NAV3: variants seen among roughly 807,000 people sequenced by gnomAD.
NAV3 encodes the protein pore membrane and/or filament interacting like protein 1.
NAV3 carries 87 observed loss-of-function variants against 244.7 expected under a neutral mutation model. That is an observed-to-expected ratio of 0.36 (90% CI 0.30 to 0.42). NAV3 has a LOEUF of 0.42. NAV3 is among the 20% of genes least tolerant of loss of function. The pLI, the probability that NAV3 is intolerant of heterozygous loss-of-function variation, is 1.00. For synonymous variants in NAV3, 1,126 were observed against 1,042.2 expected (o/e 1.08, Z -1.55); for missense variants, 2,663 against 2,893.3 (o/e 0.92, Z 1.83).
intron 2 of NAV3, among the ~76,000 whole-genome samples, chr12:77,756,522 A>G (rs1869186715): frequency 6.6e-6 from 1 of 152,174 alleles, no homozygotes; most frequent in Non-Finnish European, 1.5e-5. Context: ...GATGTCAGTA[A>G]GACATGCTCC....
At chr12:77,981,760 A>T (rs1869607125) in intron 5 of NAV3, among the ~76,000 whole-genome samples, 1 of 152,052 alleles carries the variant, frequency 6.6e-6, no homozygotes, top group African/African-American at 2.4e-5. Context: ...GCCTTATTTT[A>T]TACTCTGAGT....
At chr12:77,580,174 G>A (rs1869286351) in intron 2 of NAV3, among the ~76,000 whole-genome samples, 1 of 150,798 alleles carries the variant, frequency 6.6e-6, no homozygotes, top group Non-Finnish European at 1.5e-5. Context: ...TTAATACCAG[G>A]CTCCCCTAAA....
At chr12:77,807,153 T>C (rs576951538) in intron 2 of NAV3, among the ~76,000 whole-genome samples, 187 of 152,360 alleles carry the variant, frequency 1.2e-3, no homozygotes, top group African/African-American at 4.4e-3. Flanking sequence ...TGTCTGTTAA[T>C]TGGTGCATTT....
chr12:78,012,997 G>T (rs934716470), intron 8 of NAV3, among the ~76,000 whole-genome samples: 5 of 151,824 alleles, frequency 3.3e-5, no homozygotes, highest in African/African-American at 4.8e-5. Context: ...TGCTATAGAA[G>T]AATTTTCAAA....
intron 1 of NAV3, among the ~76,000 whole-genome samples, chr12:77,907,441 A>G (rs1161286385): frequency 2.0e-5 from 3 of 151,998 alleles, no homozygotes; most frequent in South Asian, 4.1e-4. Context: ...GCTCAATTTC[A>G]TCTCTTTTAT....
intron 1 of NAV3, among the ~76,000 whole-genome samples, chr12:77,853,031 C>T (rs1040111608): frequency 6.6e-6 from 1 of 152,168 alleles, no homozygotes; most frequent in South Asian, 2.1e-4. Flanking sequence ...AAGACATATA[C>T]TCAGCTTTCA....
At chr12:77,981,846 G>C (rs1486784096) in intron 5 of NAV3, among the ~76,000 whole-genome samples, 4 of 151,870 alleles carry the variant, frequency 2.6e-5, no homozygotes, top group Non-Finnish European at 4.4e-5. Flanking sequence ...TCATAATTAG[G>C]CATGCTTTTT....
intron 7 of NAV3, among the ~76,000 whole-genome samples, chr12:78,001,611 C>T (rs1048941449): frequency 2.6e-5 from 4 of 152,150 alleles, no homozygotes; most frequent in Non-Finnish European, 5.9e-5. Flanking sequence ...GAATTACAAA[C>T]TGCACTTCAA....
intron 3 of NAV3, chr12:77,947,379 C>A (rs774490621): frequency 2.7e-5 from 4 of 149,486 alleles, no homozygotes; most frequent in Non-Finnish European, 5.9e-5. Flanking sequence ...TTTTTTTCAG[C>A]TACTGCTTGT....
At chr12:77,988,960 A>C (rs2136333312) in intron 5 of NAV3, among the ~76,000 whole-genome samples, 1 of 152,316 alleles carries the variant, frequency 6.6e-6, no homozygotes, top group Middle Eastern at 3.4e-3. Flanking sequence ...TAAGAAAAAT[A>C]AAGGAGCTAT....
chr12:77,887,984 G>A (rs1883485305), intron 1 of NAV3, among the ~76,000 whole-genome samples: 2 of 149,946 alleles, frequency 1.3e-5, no homozygotes, highest in Admixed American at 6.7e-5. Flanking sequence ...TGTTACAGTG[G>A]CAAACAATAA....
At chr12:78,176,366 G>A in intron 25 of NAV3, 73 bp from the exon 26 acceptor site, 1 of 1,418,598 alleles carries the variant, frequency 7.0e-7, no homozygotes, top group Non-Finnish European at 9.8e-7. Flanking sequence ...GTTTATACAG[G>A]TAATATTTTA....
chr12:77,602,296 T>C (rs1870469978), intron 2 of NAV3, among the ~76,000 whole-genome samples: 1 of 151,984 alleles, frequency 6.6e-6, no homozygotes, highest in South Asian at 2.1e-4. Flanking sequence ...AGGTAGCAGT[T>C]CAGCTACAGA....
At chr12:78,061,575 T>TA (rs1172548636) in intron 12 of NAV3, among the ~76,000 whole-genome samples, 2 of 152,074 alleles carry the variant, frequency 1.3e-5, no homozygotes, top group Non-Finnish European at 2.9e-5. Flanking sequence ...AGAAGGTTTT[T>TA]AAAAAAATTA....
intron 1 of NAV3, among the ~76,000 whole-genome samples, chr12:77,916,395 C>T (rs1240990882): frequency 6.6e-6 from 1 of 151,804 alleles, no homozygotes; most frequent in East Asian, 1.9e-4. Flanking sequence ...GTAGTCCATA[C>T]CCTTCAACTA....
chr12:77,922,106 A>G (rs1212844879), intron 1 of NAV3, among the ~76,000 whole-genome samples: 1 of 152,182 alleles, frequency 6.6e-6, no homozygotes, highest in African/African-American at 2.4e-5. Context: ...TCATATGCGT[A>G]GCAGAAGCTA....
chr12:77,956,546 T>C (rs2137748304), intron 3 of NAV3, among the ~76,000 whole-genome samples: 2 of 152,284 alleles, frequency 1.3e-5, no homozygotes, highest in Middle Eastern at 6.8e-3. Flanking sequence ...TTGAGTCCAA[T>C]GGGCAACACA....
At position 78,049,856 on chromosome 12, in the gene NAV3, G is replaced by A. The variant is rs558340103; in HGVS notation, c.2024-137G>A. ...TTATTGCTAGAAAGAATTATAATTTGTAGATAATAATAGTTATTTGAAATG... is the reference window on the plus strand; with the variant it reads ...TTATTGCTAGAAAGAATTATAATTTATAGATAATAATAGTTATTTGAAATG... On this transcript the variant is annotated intron_variant, in intron 9 of 39. Coordinates refer to ENST00000397909, the MANE Select transcript of NAV3 (RefSeq NM_001024383.2). The A allele has an allele frequency of 5.6e-4, 313 of 560,188 alleles. 6 individuals carry two copies. The South Asian group carries it at 8.9e-3, about 16-fold the overall frequency. 34.7% of individuals were successfully genotyped at this position (560,188 alleles called of 1,614,324 possible).
At chr12:77,602,482 T>C (rs1870480387) in intron 2 of NAV3, among the ~76,000 whole-genome samples, 1 of 151,948 alleles carries the variant, frequency 6.6e-6, no homozygotes, top group Non-Finnish European at 1.5e-5. Context: ...GATAGAGAAA[T>C]AGATTTGACA....
Sources: allele counts gnomAD v4.1 joint callset (sites outside exome capture counted in the v4.1 genomes callset), GRCh38; gene constraint gnomAD v4.1.1; transcripts MANE v1.5; gene names NCBI Gene and HGNC (gene_info 2026-07-23, HGNC 2026-07-21).